ROBO1: variants seen among roughly 807,000 people sequenced by gnomAD.
ROBO1 encodes the protein roundabout homolog 1.
In ROBO1, 149 loss-of-function variants were observed where a neutral mutation model predicts 195.9. The ratio of observed to expected loss-of-function variants is 0.76; its 90% CI spans 0.67 to 0.87. The LOEUF (loss-of-function observed/expected upper bound fraction) is 0.87. Among genes scored for constraint, ROBO1 ranks in the 40% least tolerant of loss-of-function variants. The pLI is 0.00. For missense variants in ROBO1, 1,933 were observed against 2,068.3 expected (o/e 0.93, Z 1.27); for synonymous variants, 816 against 733.2 (o/e 1.11, Z -1.82).
intron 1 of ROBO1, among the ~76,000 whole-genome samples, chr3:79,648,796 C>T (rs887433370): frequency 7.9e-5 from 12 of 151,606 alleles, no homozygotes; most frequent in Admixed American, 2.0e-4. Flanking sequence ...GAAAGAAAAA[C>T]GAAAAACTAA....
At chr3:79,115,038 T>C (rs1455652371) in intron 3 of ROBO1, among the ~76,000 whole-genome samples, 1 of 152,182 alleles carries the variant, frequency 6.6e-6, no homozygotes, top group African/African-American at 2.4e-5. Context: ...TAATTAATCT[T>C]CCTTTGAAAT....
At chr3:79,183,199 A>G (rs1182150114) in intron 2 of ROBO1, among the ~76,000 whole-genome samples, 1 of 151,814 alleles carries the variant, frequency 6.6e-6, no homozygotes, top group Non-Finnish European at 1.5e-5. Context: ...TTTCCTTTTT[A>G]GAAATAAGGT....
intron 4 of ROBO1, among the ~76,000 whole-genome samples, chr3:78,817,589 T>C (rs2030226068): frequency 2.0e-5 from 3 of 152,082 alleles, no homozygotes; most frequent in Admixed American, 2.0e-4. Flanking sequence ...GAAAAGTCAT[T>C]TCATATAATT....
intron 4 of ROBO1, among the ~76,000 whole-genome samples, chr3:78,807,946 T>C (rs938855291): frequency 6.6e-6 from 1 of 152,048 alleles, no homozygotes; most frequent in African/African-American, 2.4e-5. Flanking sequence ...AGATTTGTCA[T>C]TAGAGTTCTC....
intron 2 of ROBO1, among the ~76,000 whole-genome samples, chr3:79,503,873 T>C (rs1940250690): frequency 6.6e-6 from 1 of 152,220 alleles, no homozygotes; most frequent in Non-Finnish European, 1.5e-5. Flanking sequence ...GGATAAACTT[T>C]GGCAAAATGG....
In ROBO1 at chr3:79,738,605, A is replaced by G. The variant is rs548256092; in HGVS notation, c.-51+29147T>C. ...TAAAAACAACGAAGAGTTCAGAGTC[A>G]GGAGGATATTTATTCACAAGAAGTT... On this transcript the variant is annotated intron_variant, in intron 1 of 30. Transcript: ENST00000464233. 3.9e-5 allele frequency among the ~76,000 whole-genome samples: 6 copies of G among 152,360 alleles called. No homozygotes were observed. In the South Asian group the frequency reaches 1.2e-3, roughly 32 times the overall value.
intron 2 of ROBO1, among the ~76,000 whole-genome samples, chr3:79,435,422 C>A (rs887979999): frequency 1.3e-5 from 2 of 152,088 alleles, no homozygotes; most frequent in African/African-American, 4.8e-5. Context: ...TTTCCACATG[C>A]AGCACTTTTC....
chr3:79,045,903 C>A (rs1272793289), intron 3 of ROBO1, among the ~76,000 whole-genome samples: 3 of 152,044 alleles, frequency 2.0e-5, no homozygotes, highest in Middle Eastern at 3.2e-3. Context: ...GTTATTTTTT[C>A]ACGAAACTCT....
chr3:79,326,117 CG>C (rs2034201636), intron 2 of ROBO1, among the ~76,000 whole-genome samples: 2 of 152,036 alleles, frequency 1.3e-5, no homozygotes, highest in South Asian at 2.1e-4. Context: ...TTGGTCAGAC[CG>C]GTTGCTCTCA....
intron 4 of ROBO1, among the ~76,000 whole-genome samples, chr3:78,792,456 AC>A (rs2084049606): frequency 6.6e-6 from 1 of 152,206 alleles, no homozygotes. Flanking sequence ...AAGCAATTTC[AC>A]AAGTAATTAT....
chr3:79,244,727 T>C (rs2082591168), intron 2 of ROBO1, among the ~76,000 whole-genome samples: 1 of 152,096 alleles, frequency 6.6e-6, no homozygotes. Context: ...AACATTAAGC[T>C]TGGGTTTAAA....
At chr3:79,492,443 A>T (rs552778083) in intron 2 of ROBO1, among the ~76,000 whole-genome samples, 385 of 151,174 alleles carry the variant, frequency 2.5e-3, no homozygotes, top group Admixed American at 3.7e-3. Context: ...AAAAAAAAAA[A>T]AAAGAGACTG....
intron 2 of ROBO1, among the ~76,000 whole-genome samples, chr3:79,499,951 CG>C (rs1201237074): frequency 6.6e-6 from 1 of 151,740 alleles, no homozygotes; most frequent in Non-Finnish European, 1.5e-5. Flanking sequence ...GGATTGCAGG[CG>C]TGTGCCAGTA....
intron 1 of ROBO1, among the ~76,000 whole-genome samples, chr3:79,637,247 T>C (rs373632608): frequency 6.6e-6 from 1 of 152,258 alleles, no homozygotes; most frequent in African/African-American, 2.4e-5. Context: ...ATGCACATAT[T>C]TATCATGTAT....
At chr3:79,166,296 T>A (rs1333844787) in intron 2 of ROBO1, among the ~76,000 whole-genome samples, 1 of 152,168 alleles carries the variant, frequency 6.6e-6, no homozygotes, top group Non-Finnish European at 1.5e-5. Context: ...TTTACAAACT[T>A]GCCCTTGACT....
chr3:79,457,646 G>A lies in ROBO1; in HGVS notation c.88+132178C>T, dbSNP rs553670885. On this transcript the variant is annotated intron_variant, in intron 2 of 30. Coordinates refer to ENST00000464233, the MANE Select transcript of ROBO1 (RefSeq NM_002941.4). ...AATCATGGGGGCAGGTATTTCCCAT[G>A]CTGCTGTCATGATCTTGAATAAGTC... 1.1e-4 allele frequency among the ~76,000 whole-genome samples: 16 copies of A among 152,076 alleles called. No homozygotes were observed. The South Asian group carries it at 1.7e-3, about 16-fold the overall frequency.
chr3:79,254,312 G>A (rs1024711240), intron 2 of ROBO1, among the ~76,000 whole-genome samples: 4 of 151,802 alleles, frequency 2.6e-5, no homozygotes, highest in East Asian at 1.9e-4. Flanking sequence ...AGGAACTTAC[G>A]TGTCTCTTTG....
chr3:79,478,869 G>A (rs1453703687), intron 2 of ROBO1, among the ~76,000 whole-genome samples: 1 of 152,142 alleles, frequency 6.6e-6, no homozygotes, highest in Non-Finnish European at 1.5e-5. Flanking sequence ...TGCTAGGTAT[G>A]CAATGGAGCA....
At position 79,314,046 on chromosome 3, in the gene ROBO1, G is replaced by T. The variant is rs74866307; in HGVS notation, c.89-188507C>A. ...AAATTAGGATGAGATATATCCTAAAGTTCAGGTTTTAGACTGACACTATAG... is the reference window on the plus strand; with the variant it reads ...AAATTAGGATGAGATATATCCTAAATTTCAGGTTTTAGACTGACACTATAG... On this transcript the variant is annotated intron_variant, in intron 2 of 30. Coordinates refer to ENST00000464233, the MANE Select transcript of ROBO1 (RefSeq NM_002941.4). Among the ~76,000 whole-genome samples the T allele has an allele frequency of 8.5e-3, 1,296 of 152,204 alleles. 25 individuals carry two copies. Among genetic ancestry groups the T allele is most frequent in the African/African-American group, 0.03 (1,251 of 41,546 alleles).
Sources: allele counts gnomAD v4.1 joint callset (sites outside exome capture counted in the v4.1 genomes callset), GRCh38; gene constraint gnomAD v4.1.1; transcripts MANE v1.5; gene names NCBI Gene and HGNC (gene_info 2026-07-23, HGNC 2026-07-21).